Variants in GNB5 observed in about 807,000 individuals in gnomAD.
The protein encoded by GNB5 is guanine nucleotide-binding protein subunit beta-5.
In GNB5, 37 loss-of-function variants were observed where a neutral mutation model predicts 55.3. The observed-to-expected ratio is 0.67, with a 90% CI of 0.51 to 0.88. The LOEUF is 0.88. GNB5 is among the 40% of genes least tolerant of loss of function. The probability of loss-of-function intolerance (pLI) is 0.00; values close to 1 mark genes in which losing one functional copy is unlikely to be tolerated. For missense variants in GNB5, 476 were observed against 515.3 expected (o/e 0.92, Z 0.74); for synonymous variants, 219 against 198.5 (o/e 1.10, Z -0.87).
At chr15:52,147,166 G>GTTTTTTT (rs540360753) in intron 6 of GNB5, 2 of 177,010 alleles carry the variant, frequency 1.1e-5, no homozygotes, top group South Asian at 8.9e-5. Flanking sequence ...TTATGGTTTT[G>GTTTTTTT]TTTTTTTTTT....
intron 3 of GNB5, among the ~76,000 whole-genome samples, chr15:52,155,552 T>C (rs2034190542): frequency 6.6e-6 from 1 of 152,258 alleles, no homozygotes; most frequent in African/African-American, 2.4e-5. Flanking sequence ...ATTGAGATAC[T>C]GCCTATTGTC....
chr15:52,178,224 C>A (rs2034690715), intron 3 of GNB5, among the ~76,000 whole-genome samples: 2 of 152,252 alleles, frequency 1.3e-5, no homozygotes, highest in Middle Eastern at 3.4e-3. Context: ...TAGCAGGGGA[C>A]CTTCGGTAAG....
chr15:52,147,647 C>T (rs2034005329), intron 5 of GNB5, 112 bp from the exon 6 acceptor site: 8 of 519,902 alleles, frequency 1.5e-5, no homozygotes, highest in Non-Finnish European at 2.7e-5. Flanking sequence ...AGTGCAGTGG[C>T]ACAATCTCAG....
At chr15:52,127,282 G>A (rs1182008973) in intron 10 of GNB5, among the ~76,000 whole-genome samples, 1 of 152,182 alleles carries the variant, frequency 6.6e-6, no homozygotes, top group African/African-American at 2.4e-5. Context: ...GCAATTCTTT[G>A]ATTATAGGTG....
At chr15:52,167,680 A>G (rs896329339) in intron 3 of GNB5, among the ~76,000 whole-genome samples, 57 of 152,182 alleles carry the variant, frequency 3.7e-4, no homozygotes, top group Non-Finnish European at 7.2e-4. Flanking sequence ...TCAAAAAAAA[A>G]AAGAAAAGAA....
At position 52,124,518 on chromosome 15, in the gene GNB5, G is replaced by A. The variant is rs768931015; in HGVS notation, c.1131C>T (p.Pro377=). 6.8e-6 allele frequency: 11 copies of A among 1,613,726 alleles called. No homozygotes were observed. Among genetic ancestry groups the A allele is most frequent in the South Asian group, 1.1e-5 (1 of 91,072 alleles). ...ATCCAGAGCAGAAAGCAGTCCCATC[G>A]GGGGAAACTCGTAGAGTGCTAACGC... is the stretch of plus-strand genomic sequence containing the variant. ...ENRVSTLRVS[P]DGTAFCSGSW... is the part of the protein sequence containing the mutation. Residue 377 remains proline, a synonymous_variant, in exon 12 of 13, where the codon CCC becomes CCT. Transcript: ENST00000261837.
intron 3 of GNB5, among the ~76,000 whole-genome samples, chr15:52,165,739 C>CA (rs34798808): frequency 0.14 from 21,705 of 150,786 alleles, 1,983 homozygotes; most frequent in Admixed American, 0.28. Context: ...CAGCTACTAC[C>CA]AAAAAAAAAC....
In GNB5 at chr15:52,128,198, T is replaced by C; in HGVS notation, c.910A>G (p.Thr304Ala). Reference protein sequence around the residue: ...DAFASGSDDATCRLYDLRADR... With the variant: ...DAFASGSDDAACRLYDLRADR... The stretch of plus-strand genomic sequence containing the variant: ...CTCTCAAAAACTTAGAAACATACCG[T>C]AGCGTCATCTGACCCTGAAGCAAAG... The change falls in exon 10 of 13, where the codon ACG (threonine) becomes GCG (alanine). Residue 304 changes from threonine to alanine, a missense_variant and splice_region_variant. Coordinates refer to ENST00000261837, the MANE Select transcript of GNB5 (RefSeq NM_016194.4). The C allele has an allele frequency of 1.2e-6, 2 of 1,603,618 alleles. No individual in the cohort carries two copies. Among genetic ancestry groups the C allele is most frequent in the South Asian group, 1.1e-5 (1 of 90,852 alleles).
chr15:52,181,667 AAGACTTTAGC>A (rs1264309622), intron 2 of GNB5, among the ~76,000 whole-genome samples: 4 of 152,164 alleles, frequency 2.6e-5, no homozygotes, highest in African/African-American at 7.2e-5. Flanking sequence ...AGTGTGGGTG[AAGACTTTAGC>A]AGACTTCTCC....
intron 4 of GNB5, among the ~76,000 whole-genome samples, chr15:52,152,225 T>TA (rs1219909078): frequency 1.3e-5 from 2 of 150,654 alleles, no homozygotes; most frequent in African/African-American, 2.4e-5. Flanking sequence ...ACAAGGGTTA[T>TA]AAAAAAAAGC....
chr15:52,137,096 A>C, intron 7 of GNB5: 1 of 565,336 alleles, frequency 1.8e-6, no homozygotes, highest in Non-Finnish European at 2.9e-6. Flanking sequence ...TGGACCCTGA[A>C]ATCCTCTAAG....
chr15:52,126,938 AG>A (rs1369680239), intron 10 of GNB5, among the ~76,000 whole-genome samples: 2 of 152,202 alleles, frequency 1.3e-5, no homozygotes, highest in Non-Finnish European at 2.9e-5. Flanking sequence ...CTGGGATTAC[AG>A]GTGACCGCCA....
intron 4 of GNB5, 80 bp from the exon 5 acceptor site, chr15:52,150,005 T>G: frequency 9.6e-7 from 1 of 1,046,376 alleles, no homozygotes; most frequent in Non-Finnish European, 1.5e-6. Flanking sequence ...AAAAGCTGTG[T>G]CCAGCAGGGC....
chr15:52,165,561 A>G (rs928287568), intron 3 of GNB5, among the ~76,000 whole-genome samples: 1 of 152,244 alleles, frequency 6.6e-6, no homozygotes, highest in African/African-American at 2.4e-5. Context: ...TCTTAAGGAA[A>G]AGAATTTCCA....
rs757413854 is a variant in GNB5 at position 52,135,726 on chromosome 15, C to T, written c.658G>A (p.Ala220Thr). The change falls in exon 8 of 13, where the codon GCC (alanine) becomes ACC (threonine). Residue 220 changes from alanine to threonine, a missense_variant. Coordinates refer to ENST00000261837, the MANE Select transcript of GNB5 (RefSeq NM_016194.4). ...ILTASGDGTC[A>T]LWDVESGQLL... ...TGCCCGCTCTCCACGTCCCACAGGGCACATGTGCCATCGCCGCTCGCTGTC... is the reference window on the plus strand; with the variant it reads ...TGCCCGCTCTCCACGTCCCACAGGGTACATGTGCCATCGCCGCTCGCTGTC... 4.3e-6 allele frequency: 7 copies of T among 1,612,882 alleles called. No homozygotes were observed. The Admixed American group carries it at 6.7e-5, about 15-fold the overall frequency.
intron 1 of GNB5, among the ~76,000 whole-genome samples, chr15:52,188,766 T>G (rs899750214): frequency 9.8e-5 from 15 of 152,338 alleles, no homozygotes; most frequent in African/African-American, 3.1e-4. Flanking sequence ...AATATGTGAC[T>G]TAAAAAATTA....
intron 4 of GNB5, among the ~76,000 whole-genome samples, chr15:52,153,206 G>C (rs779082064): frequency 6.6e-6 from 1 of 152,194 alleles, no homozygotes; most frequent in Admixed American, 6.5e-5. Context: ...TGGATCACTC[G>C]CTCTGGGAGA....
rs1165379988 is a variant in GNB5, at chr15:52,141,237, G to A, written c.530C>T (p.Thr177Met). ...AGCCATGTTTTCATTTTTGTCAAACGTCAAGGGGTACACAGAACACTTATT... is the reference window on the plus strand; with the variant it reads ...AGCCATGTTTTCATTTTTGTCAAACATCAAGGGGTACACAGAACACTTATT... ...LDNKCSVYPL[T>M]FDKNENMAAK... Residue 177 changes from threonine (T) to methionine (M), a missense_variant, in exon 7 of 13, where the codon ACG (threonine) becomes ATG (methionine). Coordinates refer to ENST00000261837, the MANE Select transcript of GNB5 (RefSeq NM_016194.4). 5 of 1,613,460 alleles carry A rather than the reference G, an allele frequency of 3.1e-6. No individual in the cohort carries two copies. Among genetic ancestry groups the A allele is most frequent in the Admixed American group, 1.7e-5 (1 of 59,998 alleles).
intron 4 of GNB5, among the ~76,000 whole-genome samples, chr15:52,150,324 A>C (rs1207908866): frequency 6.6e-6 from 1 of 152,208 alleles, no homozygotes; most frequent in Non-Finnish European, 1.5e-5. Context: ...CAGGTAAATA[A>C]TAAATCTTTT....
Sources: gnomAD v4.1 joint callset for allele counts (sites outside exome capture counted in the v4.1 genomes callset) on GRCh38, gnomAD v4.1.1 for gene constraint, MANE v1.5 for transcripts, NCBI Gene and HGNC (gene_info 2026-07-23, HGNC 2026-07-21) for gene names.